The following SYN3 variants were observed in gnomAD, a reference collection of about 807,000 sequenced individuals.
SYN3 encodes synapsin III.
SYN3 carries 35 observed loss-of-function variants against 65.8 expected under a neutral mutation model. The observed-to-expected ratio is 0.53, with a 90% CI of 0.41 to 0.70. The LOEUF (loss-of-function observed/expected upper bound fraction) is 0.70. SYN3 is among the 30% of genes least tolerant of loss of function. The probability of loss-of-function intolerance (pLI) is 0.00; values close to 1 mark genes in which losing one functional copy is unlikely to be tolerated. For missense variants in SYN3, 680 were observed against 749.0 expected (o/e 0.91, Z 1.08); for synonymous variants, 270 against 292.9 (o/e 0.92, Z 0.80).
chr22:32,636,401 CAAAAA>C (rs57388108), intron 6 of SYN3, among the ~76,000 whole-genome samples: 11 of 101,676 alleles, frequency 1.1e-4, no homozygotes, highest in Non-Finnish European at 2.2e-4. Context: ...GACTCCATCT[CAAAAA>C]AAAAAAAAAA....
At chr22:32,944,900 G>C (rs1363705315) in intron 3 of SYN3, among the ~76,000 whole-genome samples, 1 of 152,122 alleles carries the variant, frequency 6.6e-6, no homozygotes, top group Non-Finnish European at 1.5e-5. Flanking sequence ...ACCAATAACA[G>C]ACAAACAGAG....
intron 6 of SYN3, among the ~76,000 whole-genome samples, chr22:32,772,101 G>T (rs752439059): frequency 1.3e-5 from 2 of 152,036 alleles, no homozygotes; most frequent in Non-Finnish European, 2.9e-5. Context: ...TGGAAGAAAG[G>T]ATCCTACATT....
Position 32,730,725 on chromosome 22 carries a change from T to C in SYN3, c.712-133989A>G, listed in dbSNP as rs1325521546. On this transcript the variant is annotated intron_variant, in intron 6 of 13. Coordinates refer to ENST00000358763, the MANE Select transcript of SYN3 (RefSeq NM_003490.4). The stretch of plus-strand genomic sequence containing the variant: ...TGGGTGTTGTCTTGCAATGCTAAAT[T>C]TGTGATAATTTGTTACAAAGCACAC... Among the ~76,000 whole-genome samples the C allele has an allele frequency of 2.6e-5, 4 of 152,240 alleles. No individual in the cohort carries two copies. The East Asian group carries it at 7.7e-4, about 29-fold the overall frequency.
chr22:32,918,706 A>G (rs137968462), intron 4 of SYN3, among the ~76,000 whole-genome samples: 1 of 152,294 alleles, frequency 6.6e-6, no homozygotes, highest in African/African-American at 2.4e-5. Flanking sequence ...CATGGGTAAG[A>G]GTGGTCACAT....
intron 6 of SYN3, among the ~76,000 whole-genome samples, chr22:32,761,347 C>A (rs929198491): frequency 1.3e-5 from 2 of 152,114 alleles, no homozygotes; most frequent in Non-Finnish European, 2.9e-5. Context: ...GAGAGAGAGG[C>A]AAGGGGTGGC....
intron 6 of SYN3, among the ~76,000 whole-genome samples, chr22:32,764,036 C>T (rs1176486450): frequency 6.6e-6 from 1 of 150,528 alleles, no homozygotes. Context: ...CTCCCGGATT[C>T]AAGTGATTCT....
At chr22:32,878,211 A>G (rs1468441127) in intron 4 of SYN3, among the ~76,000 whole-genome samples, 1 of 152,010 alleles carries the variant, frequency 6.6e-6, no homozygotes, top group Non-Finnish European at 1.5e-5. Context: ...GCTTCCCCCA[A>G]AGTGGATCTG....
At position 32,529,083 on chromosome 22, in the gene SYN3, G is replaced by T. The variant is rs999545966; in HGVS notation, c.1096-75C>A. On this transcript the variant is annotated intron_variant, in intron 10 of 13. Coordinates refer to ENST00000358763, the MANE Select transcript of SYN3 (RefSeq NM_003490.4). Reference sequence around the variant, plus strand: ...CGGTTGGGCATCACATCCCAGAAGTGGGGGCTCAGGGCTCAGGACAGAAGT... The same window carrying T: ...CGGTTGGGCATCACATCCCAGAAGTTGGGGCTCAGGGCTCAGGACAGAAGT... 3.1e-6 allele frequency: 5 copies of T among 1,588,260 alleles called. No individual in the cohort carries two copies. The African/African-American group carries it at 4.0e-5, about 13-fold the overall frequency.
At chr22:32,677,252 A>G (rs2060458857) in intron 6 of SYN3, among the ~76,000 whole-genome samples, 1 of 152,022 alleles carries the variant, frequency 6.6e-6, no homozygotes. Flanking sequence ...ATCGGTGATG[A>G]GTTTTTCAGA....
Position 32,906,619 on chromosome 22 carries a change from C to T in SYN3, c.461+24771G>A, listed in dbSNP as rs2049909642. 2.0e-5 allele frequency among the ~76,000 whole-genome samples: 3 copies of T among 152,154 alleles called. 1 individual carries two copies. Among genetic ancestry groups the T allele is most frequent in the Admixed American group, 2.0e-4 (3 of 15,274 alleles). On this transcript the variant is annotated intron_variant, in intron 4 of 13. Transcript: ENST00000358763. Reference sequence around the variant, plus strand: ...CCCATCACCTAGGTTTTAAGTCCTGCATGCATTAGGCATTTGTCCTAATGC... The same window carrying T: ...CCCATCACCTAGGTTTTAAGTCCTGTATGCATTAGGCATTTGTCCTAATGC...
intron 6 of SYN3, among the ~76,000 whole-genome samples, chr22:32,760,066 T>C (rs1476109538): frequency 7.3e-4 from 23 of 31,562 alleles, no homozygotes; most frequent in Admixed American, 7.8e-4. Context: ...CAGCAGCCAG[T>C]ACCCACCCAC....
At chr22:32,550,868 A>T (rs1042383134) in intron 7 of SYN3, among the ~76,000 whole-genome samples, 7 of 152,334 alleles carry the variant, frequency 4.6e-5, no homozygotes, top group Non-Finnish European at 7.4e-5. Flanking sequence ...GTAAAAGGAA[A>T]GCTACCATGT....
chr22:32,545,494 T>C (rs928547912), intron 7 of SYN3, among the ~76,000 whole-genome samples: 3 of 151,980 alleles, frequency 2.0e-5, no homozygotes, highest in South Asian at 2.1e-4. Flanking sequence ...TTCGTTTGAG[T>C]GGTTGTGCAC....
intron 6 of SYN3, among the ~76,000 whole-genome samples, chr22:32,807,347 A>ATT (rs1491577264): frequency 2.9e-5 from 1 of 34,090 alleles, no homozygotes; most frequent in African/African-American, 7.2e-5. Flanking sequence ...TATAATATAT[A>ATT]AATATATAAT....
intron 6 of SYN3, among the ~76,000 whole-genome samples, chr22:32,774,070 G>A (rs1344591053): frequency 6.6e-6 from 1 of 152,108 alleles, no homozygotes; most frequent in Non-Finnish European, 1.5e-5. Context: ...AGTGAGATGG[G>A]CTTGGAGGGA....
At chr22:32,985,640 T>C (rs140134192) in intron 2 of SYN3, among the ~76,000 whole-genome samples, 2 of 152,286 alleles carry the variant, frequency 1.3e-5, no homozygotes, top group Non-Finnish European at 2.9e-5. Flanking sequence ...CTGGAGACCC[T>C]AAGTGGTCTT....
chr22:32,522,835 A>G (rs570029575), intron 12 of SYN3, among the ~76,000 whole-genome samples: 5 of 152,268 alleles, frequency 3.3e-5, no homozygotes, highest in African/African-American at 1.2e-4. Flanking sequence ...GGCCCCGAGA[A>G]GTAATATGAC....
At chr22:32,832,673 G>GTATTTTATTTTATTT (rs564439917) in intron 6 of SYN3, among the ~76,000 whole-genome samples, 25 of 151,458 alleles carry the variant, frequency 1.7e-4, no homozygotes, top group South Asian at 6.3e-4. Flanking sequence ...AAACCCTCGA[G>GTATTTTATTTTATTT]TATTTTATTT....
intron 7 of SYN3, among the ~76,000 whole-genome samples, chr22:32,566,122 T>C (rs938995896): frequency 6.6e-6 from 1 of 152,118 alleles, no homozygotes; most frequent in Non-Finnish European, 1.5e-5. Context: ...GGATTACAGG[T>C]GTGAGCCACT....
Sources: allele counts gnomAD v4.1 joint callset (sites outside exome capture counted in the v4.1 genomes callset), GRCh38; gene constraint gnomAD v4.1.1; transcripts MANE v1.5; gene names NCBI Gene and HGNC (gene_info 2026-07-23, HGNC 2026-07-21).